Variants in ETFDH observed in about 807,000 individuals in gnomAD.
ETFDH encodes electron transfer flavoprotein dehydrogenase.
Under a neutral mutation model 73.2 loss-of-function variants are expected in ETFDH, and 61 were observed. The ratio of observed to expected loss-of-function variants is 0.83; its 90% CI spans 0.68 to 1.03. ETFDH has a LOEUF of 1.03. ETFDH is among the 50% of genes least tolerant of loss of function. The probability of loss-of-function intolerance (pLI) is 0.00; values close to 1 mark genes in which losing one functional copy is unlikely to be tolerated. For synonymous variants in ETFDH, 243 were observed against 253.3 expected, an observed-to-expected ratio of 0.96 and a Z score of 0.39; for missense variants, 685 against 745.0, an observed-to-expected ratio of 0.92 and a Z score of 0.94.
chr4:158,672,713 G>A (rs1773607087), intron 1 of ETFDH, among the ~76,000 whole-genome samples: 1 of 152,076 alleles, frequency 6.6e-6, no homozygotes, highest in South Asian at 2.1e-4. Flanking sequence ...TCAAGGGCGG[G>A]GAAAACTTGT....
chr4:158,699,224 T>C (rs1774395704), intron 9 of ETFDH, 94 bp downstream of exon 9: 2 of 1,054,586 alleles, frequency 1.9e-6, no homozygotes, highest in Non-Finnish European at 2.9e-6. Flanking sequence ...ATAAAAACAA[T>C]ATTGGAATAG....
At chr4:158,702,889 C>T (rs1358269614) in intron 9 of ETFDH, among the ~76,000 whole-genome samples, 1 of 152,064 alleles carries the variant, frequency 6.6e-6, no homozygotes, top group Non-Finnish European at 1.5e-5. Flanking sequence ...TTTTAAGGAA[C>T]CTCTATACTG....
intron 3 of ETFDH, 131 bp downstream of exon 3, chr4:158,682,555 T>C (rs1239651302): frequency 5.3e-6 from 4 of 747,722 alleles, no homozygotes; most frequent in African/African-American, 3.6e-5. Context: ...TTTTTTGAGA[T>C]GGAGTTTCAC....
chr4:158,682,010 C>A, intron 2 of ETFDH, 185 bp from the exon 3 acceptor site: 1 of 726,974 alleles, frequency 1.4e-6, no homozygotes, highest in Non-Finnish European at 2.2e-6. Flanking sequence ...AAAGTATGTA[C>A]TGGAACAGAA....
intron 6 of ETFDH, among the ~76,000 whole-genome samples, chr4:158,692,611 G>T (rs935496941): frequency 5.3e-5 from 8 of 151,666 alleles, no homozygotes; most frequent in Non-Finnish European, 1.0e-4. Context: ...CTCAGTAAAA[G>T]AATATGGTTT....
chr4:158,700,261 C>T (rs1400790000), intron 9 of ETFDH, among the ~76,000 whole-genome samples: 1 of 151,772 alleles, frequency 6.6e-6, no homozygotes, highest in Admixed American at 6.6e-5. Context: ...TAATGCTGTC[C>T]CCAAAGTCTG....
At chr4:158,686,883 G>C (rs1177046300) in intron 5 of ETFDH, among the ~76,000 whole-genome samples, 2 of 152,206 alleles carry the variant, frequency 1.3e-5, no homozygotes, top group Non-Finnish European at 2.9e-5. Flanking sequence ...ACAAGAGGCA[G>C]GTTAGCAGGA....
intron 1 of ETFDH, among the ~76,000 whole-genome samples, chr4:158,676,276 AG>A (rs1773709081): frequency 6.6e-6 from 1 of 151,974 alleles, no homozygotes; most frequent in South Asian, 2.1e-4. Context: ...AGTCAGTTCC[AG>A]GGTGGGAGCC....
intron 6 of ETFDH, among the ~76,000 whole-genome samples, chr4:158,693,571 T>TA (rs1410499223): frequency 5.3e-5 from 8 of 152,340 alleles, no homozygotes; most frequent in African/African-American, 1.9e-4. Context: ...GGGGAAACTA[T>TA]ATCCATCTGG....
chr4:158,681,351 G>T (rs568748046), intron 2 of ETFDH, among the ~76,000 whole-genome samples: 1 of 152,210 alleles, frequency 6.6e-6, no homozygotes, highest in East Asian at 1.9e-4. Flanking sequence ...TTTTTGTACA[G>T]CTGTACAATG....
chr4:158,678,643 A>G (rs1258215759), intron 1 of ETFDH, among the ~76,000 whole-genome samples: 2 of 135,832 alleles, frequency 1.5e-5, no homozygotes, highest in Non-Finnish European at 3.1e-5. Context: ...ATTTATGGAT[A>G]TATCACCATC....
chr4:158,703,385 T>C lies in ETFDH; in HGVS notation c.1117-38T>C. 1.4e-6 allele frequency: 2 copies of C among 1,446,492 alleles called. 1 individual carries two copies. Among genetic ancestry groups the C allele is most frequent in the South Asian group, 2.3e-5 (2 of 87,368 alleles). The allele number at this position is 1,446,492 out of a possible 1,614,324, so 89.6% of individuals were successfully genotyped here. A position where few individuals can be genotyped will look rare whatever the true frequency, so the allele number is the denominator to read the frequency against. Reference sequence around the variant, plus strand: ...AGTATTCTGTTGTTCTTGTTTAATATGAACTAACAAATGTATTCTGAATCT... The same window carrying C: ...AGTATTCTGTTGTTCTTGTTTAATACGAACTAACAAATGTATTCTGAATCT... On this transcript the variant is annotated intron_variant, in intron 9 of 12. Coordinates refer to ENST00000511912, the MANE Select transcript of ETFDH (RefSeq NM_004453.4).
intron 7 of ETFDH, 123 bp downstream of exon 7, chr4:158,695,766 C>A: frequency 1.4e-6 from 1 of 723,268 alleles, no homozygotes; most frequent in Non-Finnish European, 2.4e-6. Flanking sequence ...TTGAAATGTT[C>A]ATTATGACTA....
intron 9 of ETFDH, chr4:158,700,584 A>C: frequency 6.6e-6 from 1 of 151,130 alleles, no homozygotes; most frequent in Admixed American, 6.6e-5. Flanking sequence ...ACACACACAC[A>C]CACACACACA....
At position 158,708,441 on chromosome 4, in the gene ETFDH, A is replaced by T; in HGVS notation, c.1768A>T (p.Lys590Ter). 2 of 1,610,774 alleles carry T rather than the reference A, an allele frequency of 1.2e-6. No homozygotes were observed. The highest frequency in any genetic ancestry group is 1.7e-6 in the Non-Finnish European group (2 of 1,176,934). Residue 590 changes from lysine (K) to a stop codon, truncating the protein, a stop_gained, in exon 13 of 13, where the codon AAA becomes TAA. Transcript: ENST00000511912. LOFTEE classifies it high-confidence loss of function. ...QINAQNCVHC[K>*]TCDIKDPSQN... is the part of the protein sequence containing the mutation. ...AAATGCTCAGAACTGTGTACATTGT[A>T]AAACATGTGATATTAAAGATCCAAG...
chr4:158,673,925 G>A (rs1773647745), intron 1 of ETFDH, among the ~76,000 whole-genome samples: 1 of 152,154 alleles, frequency 6.6e-6, no homozygotes, highest in Non-Finnish European at 1.5e-5. Flanking sequence ...TCTCAACCAC[G>A]GAGACTGAAT....
In ETFDH at chr4:158,703,475, G is replaced by A; in HGVS notation, c.1169G>A (p.Gly390Asp). The A allele has an allele frequency of 6.2e-7, 1 of 1,611,916 alleles. No individual in the cohort carries two copies. The highest frequency in any genetic ancestry group is 1.7e-5 in the Admixed American group (1 of 60,010). Residue 390 changes from glycine to aspartate, a missense_variant, in exon 10 of 13, where the codon GGT (glycine) becomes GAT (aspartate). By Grantham distance (94) the Gly-to-Asp change is moderately conservative (BLOSUM62 -1). Transcript: ENST00000511912. ...GGTTTACTAATTGGTTGTAGTCCTG[G>A]TTTTATGAATGTTCCCAAGATCAAA... Reference protein sequence around the residue: ...PGGLLIGCSPGFMNVPKIKGT... With the variant: ...PGGLLIGCSPDFMNVPKIKGT...
chr4:158,701,161 T>A (rs1774453028), intron 9 of ETFDH, among the ~76,000 whole-genome samples: 1 of 152,176 alleles, frequency 6.6e-6, no homozygotes, highest in Non-Finnish European at 1.5e-5. Context: ...ACATTTTCCT[T>A]GGGCGTAATA....
At chr4:158,695,739 T>G in intron 7 of ETFDH, 96 bp downstream of exon 7, 1 of 860,818 alleles carries the variant, frequency 1.2e-6, no homozygotes, top group Non-Finnish European at 1.9e-6. Context: ...TAATTTTAGT[T>G]ATATTTTTTC....
Sources: allele counts gnomAD v4.1 joint callset (sites outside exome capture counted in the v4.1 genomes callset), GRCh38; gene constraint gnomAD v4.1.1; transcripts MANE v1.5; gene names NCBI Gene and HGNC (gene_info 2026-07-23, HGNC 2026-07-21).